Variants in DLG2 observed in about 807,000 individuals in gnomAD.
The protein encoded by DLG2 is disks large homolog 2.
A neutral mutation model predicts 132.5 loss-of-function variants in DLG2; 45 were observed. The observed-to-expected ratio is 0.34, with a 90% CI of 0.27 to 0.44. The LOEUF is 0.44. DLG2 is among the 20% of genes least tolerant of loss of function. The pLI, the probability that DLG2 is intolerant of heterozygous loss-of-function variation, is 1.00. For synonymous variants in DLG2, 424 were observed against 419.6 expected, an observed-to-expected ratio of 1.01 and a Z score of -0.13; for missense variants, 1,045 against 1,196.9, an observed-to-expected ratio of 0.87 and a Z score of 1.87.
intron 7 of DLG2, among the ~76,000 whole-genome samples, chr11:84,523,855 T>G (rs970866770): frequency 2.0e-5 from 3 of 152,210 alleles, no homozygotes; most frequent in African/African-American, 7.2e-5. Context: ...ACACTTATTT[T>G]TAAAACTTAT....
chr11:85,067,957 T>G (rs1223057294), intron 6 of DLG2, among the ~76,000 whole-genome samples: 1 of 152,026 alleles, frequency 6.6e-6, no homozygotes, highest in Non-Finnish European at 1.5e-5. Flanking sequence ...TCCACCATGA[T>G]CAAGTGGGCT....
At chr11:84,906,381 A>AACACACACACACACACACACACAC (rs35833007) in intron 6 of DLG2, among the ~76,000 whole-genome samples, 1 of 144,206 alleles carries the variant, frequency 6.9e-6, no homozygotes, top group Non-Finnish European at 1.5e-5. Flanking sequence ...CAGCAAGGCT[A>AACACACACACACACACACACACAC]ACACACACAC....
At chr11:85,442,217 A>G (rs1028684266) in intron 3 of DLG2, among the ~76,000 whole-genome samples, 1 of 152,208 alleles carries the variant, frequency 6.6e-6, no homozygotes, top group African/African-American at 2.4e-5. Context: ...TGACATGATC[A>G]AACTTACATT....
chr11:84,836,282 T>C (rs113027166), intron 6 of DLG2, among the ~76,000 whole-genome samples: 8 of 151,806 alleles, frequency 5.3e-5, no homozygotes, highest in African/African-American at 1.9e-4. Context: ...GAATGGTTCA[T>C]ATTAGAAGGA....
chr11:83,749,639 C>G (rs1012062739), intron 18 of DLG2, among the ~76,000 whole-genome samples: 8 of 152,148 alleles, frequency 5.3e-5, no homozygotes, highest in Non-Finnish European at 1.2e-4. Context: ...TAAGCACTAA[C>G]AGAGAGAAAT....
At chr11:85,396,361 C>A (rs753921138) in intron 3 of DLG2, among the ~76,000 whole-genome samples, 23 of 152,102 alleles carry the variant, frequency 1.5e-4, no homozygotes, top group African/African-American at 4.8e-4. Context: ...AAAGAGAGCA[C>A]CTCTTTTCCT....
intron 15 of DLG2, among the ~76,000 whole-genome samples, chr11:83,889,562 A>G (rs1205303720): frequency 6.6e-6 from 1 of 152,208 alleles, no homozygotes; most frequent in Non-Finnish European, 1.5e-5. Flanking sequence ...TTCCTCAGGG[A>G]TCTAGAACTA....
chr11:85,570,431 C>T (rs2077781600), intron 3 of DLG2, among the ~76,000 whole-genome samples: 1 of 152,264 alleles, frequency 6.6e-6, no homozygotes, highest in East Asian at 1.9e-4. Flanking sequence ...TTTGGTGTCA[C>T]TATTTCTAAT....
chr11:84,361,540 T>C (rs949871588), intron 7 of DLG2, among the ~76,000 whole-genome samples: 7 of 151,816 alleles, frequency 4.6e-5, no homozygotes, highest in African/African-American at 1.5e-4. Context: ...TGTACCACAA[T>C]AAAGGTCAAA....
chr11:85,527,440 T>G (rs775794424), intron 3 of DLG2, among the ~76,000 whole-genome samples: 1 of 152,192 alleles, frequency 6.6e-6, no homozygotes, highest in East Asian at 1.9e-4. Flanking sequence ...AGTGGGAACA[T>G]GTGGTGTTTG....
At chr11:83,869,807 T>C (rs2063086446) in intron 16 of DLG2, among the ~76,000 whole-genome samples, 1 of 152,172 alleles carries the variant, frequency 6.6e-6, no homozygotes, top group Non-Finnish European at 1.5e-5. Context: ...GGCCAACCCC[T>C]TTCAGGGCAG....
chr11:85,411,170 AGAG>A (rs1346707426), intron 3 of DLG2, among the ~76,000 whole-genome samples: 2 of 151,802 alleles, frequency 1.3e-5, no homozygotes, highest in African/African-American at 4.8e-5. Flanking sequence ...GTGGGAAAGA[AGAG>A]AAATAAGTGA....
At chr11:84,183,344 A>C (rs1309976526) in intron 8 of DLG2, among the ~76,000 whole-genome samples, 2 of 152,150 alleles carry the variant, frequency 1.3e-5, no homozygotes, top group Admixed American at 1.3e-4. Flanking sequence ...GTTGTAACAA[A>C]TTTACCACTC....
rs914339319 is a variant in DLG2, at chr11:84,502,410, CTT to C, written c.519+32158_519+32159del. ...TCTTTCTTTCTTTCTTTCTTTCTTT[CTT>C]TCTATACAGAGTCTCATGCTGTCAC... On this transcript the variant is annotated intron_variant, in intron 7 of 27. Transcript: ENST00000376104. Among the ~76,000 whole-genome samples, 101 of 89,390 alleles carry C rather than the reference CTT, an allele frequency of 1.1e-3. 1 individual carries two copies. The highest frequency in any genetic ancestry group is 2.7e-3 in the South Asian group (9 of 3,344). The allele number at this position is 89,390 out of a possible 152,430, so 58.6% of individuals were successfully genotyped here.
At chr11:83,518,808 T>C (rs940218044) in intron 21 of DLG2, among the ~76,000 whole-genome samples, 2 of 152,048 alleles carry the variant, frequency 1.3e-5, no homozygotes, top group Non-Finnish European at 2.9e-5. Flanking sequence ...TGAGATGAAA[T>C]TAAAAATGGT....
intron 7 of DLG2, among the ~76,000 whole-genome samples, chr11:84,258,898 T>A (rs568650783): frequency 6.6e-6 from 1 of 152,340 alleles, no homozygotes; most frequent in South Asian, 2.1e-4. Flanking sequence ...GGTCCCTTAA[T>A]GTCTTGCAAA....
intron 3 of DLG2, among the ~76,000 whole-genome samples, chr11:85,493,201 T>A (rs1386436562): frequency 6.6e-6 from 1 of 152,194 alleles, no homozygotes; most frequent in South Asian, 2.1e-4. Flanking sequence ...AGGTGCAATG[T>A]ATTAGATTAA....
chr11:84,525,976 T>C (rs180938759), intron 7 of DLG2, among the ~76,000 whole-genome samples: 60 of 152,308 alleles, frequency 3.9e-4, no homozygotes, highest in African/African-American at 1.3e-3. Flanking sequence ...TTTTTTTCTC[T>C]GACAACACCC....
intron 4 of DLG2, among the ~76,000 whole-genome samples, chr11:85,274,035 C>T (rs1445333081): frequency 6.6e-6 from 1 of 152,146 alleles, no homozygotes; most frequent in Non-Finnish European, 1.5e-5. Flanking sequence ...TGTTCTCACT[C>T]ATAGGTGGGA....
Sources: allele counts gnomAD v4.1 joint callset (sites outside exome capture counted in the v4.1 genomes callset), GRCh38; gene constraint gnomAD v4.1.1; transcripts MANE v1.5; gene names NCBI Gene and HGNC (gene_info 2026-07-23, HGNC 2026-07-21).